FBN3: variants seen among roughly 807,000 people sequenced by gnomAD.
FBN3 encodes the protein fibrillin 3.
Under a neutral mutation model 330.1 loss-of-function variants are expected in FBN3, and 234 were observed. That is an observed-to-expected ratio of 0.71 (90% CI 0.64 to 0.79). FBN3 has a LOEUF of 0.79. Among genes scored for constraint, FBN3 ranks in the 30% least tolerant of loss-of-function variants. The pLI is 0.00. For missense variants in FBN3, 3,606 were observed against 3,886.9 expected, an observed-to-expected ratio of 0.93 and a Z score of 1.92; for synonymous variants, 1,458 against 1,517.3, an observed-to-expected ratio of 0.96 and a Z score of 0.91.
At chr19:8,097,063 C>G in intron 42 of FBN3, 57 bp from the exon 43 acceptor site, 1 of 1,588,210 alleles carries the variant, frequency 6.3e-7, no homozygotes, top group South Asian at 1.1e-5. Context: ...CTGACAGAAT[C>G]AAACGTGAAA....
At chr19:8,144,763 G>T in intron 6 of FBN3, 114 bp downstream of exon 6, 1 of 755,420 alleles carries the variant, frequency 1.3e-6, no homozygotes, top group Non-Finnish European at 2.2e-6. Flanking sequence ...CCCAAATGCG[G>T]GAAGGAGGCC....
At chr19:8,092,816 C>A (rs1159921932) in intron 47 of FBN3, among the ~76,000 whole-genome samples, 1 of 150,684 alleles carries the variant, frequency 6.6e-6, no homozygotes, top group Non-Finnish European at 1.5e-5. Context: ...AATGGAAAAC[C>A]AAATATCGTA....
intron 13 of FBN3, among the ~76,000 whole-genome samples, chr19:8,134,263 T>TAAAATA (rs1234573875): frequency 7.0e-6 from 1 of 143,810 alleles, no homozygotes; most frequent in Non-Finnish European, 1.5e-5. Context: ...ATAAATAAAA[T>TAAAATA]AAATAAATGC....
At position 8,086,462 on chromosome 19, in the gene FBN3, A is replaced by ATTTTTT. The variant is rs755200327; in HGVS notation, c.6755-138_6755-137insAAAAAA. Reference sequence around the variant, plus strand: ...TTTATTTATTTTTATTATTATTATTATTATTATTTTTTGAGACAGAGTCTC... The same window carrying ATTTTTT: ...TTTATTTATTTTTATTATTATTATTATTTTTTTTATTATTTTTTGAGACAGAGTCTC... On this transcript the variant is annotated intron_variant, in intron 54 of 63. Coordinates refer to ENST00000600128, the MANE Select transcript of FBN3 (RefSeq NM_032447.5). 3.3e-4 allele frequency: 91 copies of ATTTTTT among 279,488 alleles called. 1 individual carries two copies. The highest frequency in any genetic ancestry group is 1.4e-3 in the Middle Eastern group (1 of 736). 17.3% of individuals were successfully genotyped at this position (279,488 alleles called of 1,614,324 possible). A position where few individuals can be genotyped will look rare whatever the true frequency, so the allele number is the denominator to read the frequency against.
In FBN3 at chr19:8,129,967, G is replaced by A. The variant is rs1023130821; in HGVS notation, c.2045-602C>T. Among the ~76,000 whole-genome samples, 2 of 151,550 alleles carry A rather than the reference G, an allele frequency of 1.3e-5. No homozygotes were observed. The highest frequency in any genetic ancestry group is 4.8e-5 in the African/African-American group (2 of 41,260). ...GGCTGGAGTGCAGTGGTGCGATCTC[G>A]GCTCACTGCAACCTCCACCTCCCTC... is the stretch of plus-strand genomic sequence containing the variant. On this transcript the variant is annotated intron_variant, in intron 16 of 63. Transcript: ENST00000600128. The surrounding 1 kb of genome is among the most constrained non-coding windows in gnomAD (Gnocchi z 4.5).
rs112168153 is a variant in FBN3 at position 8,070,148 on chromosome 19, A to G, written c.8088+1900T>C. Among the ~76,000 whole-genome samples the G allele has an allele frequency of 2.4e-3, 367 of 152,282 alleles. 1 individual carries two copies. The highest frequency in any genetic ancestry group is 8.3e-3 in the African/African-American group (343 of 41,560). On this transcript the variant is annotated intron_variant, in intron 63 of 63. Coordinates refer to ENST00000600128, the MANE Select transcript of FBN3 (RefSeq NM_032447.5). Reference sequence around the variant, plus strand: ...CACAGTTTTTCCTAGCAAGGGGGAAAAAATAACTAGAGGGGAAAAAGGGCC... The same window carrying G: ...CACAGTTTTTCCTAGCAAGGGGGAAGAAATAACTAGAGGGGAAAAAGGGCC...
chr19:8,111,779 G>T lies in FBN3; in HGVS notation c.3962-9C>A. 5.0e-6 allele frequency: 8 copies of T among 1,611,650 alleles called. No individual in the cohort carries two copies. The highest frequency in any genetic ancestry group is 1.7e-4 in the Middle Eastern group (1 of 5,952). ...GACGCATTCATCCAGGTCTGCAGGAGATGGAGCCCAGACCCCCCACCCCAT... is the reference window on the plus strand; with the variant it reads ...GACGCATTCATCCAGGTCTGCAGGATATGGAGCCCAGACCCCCCACCCCAT... On this transcript the variant is annotated splice_polypyrimidine_tract_variant and intron_variant, in intron 31 of 63. Coordinates refer to ENST00000600128, the MANE Select transcript of FBN3 (RefSeq NM_032447.5).
chr19:8,111,495 CG>C (rs1316997148), intron 32 of FBN3, among the ~76,000 whole-genome samples, 152 bp downstream of exon 32: 1 of 152,134 alleles, frequency 6.6e-6, no homozygotes, highest in Non-Finnish European at 1.5e-5. Flanking sequence ...GCCGCAGCAC[CG>C]CCTGGGCCGA....
intron 47 of FBN3, among the ~76,000 whole-genome samples, chr19:8,093,580 G>C (rs1177126068): frequency 6.6e-6 from 1 of 152,136 alleles, no homozygotes; most frequent in African/African-American, 2.4e-5. Flanking sequence ...CCGAGATTGT[G>C]CCACTGCACT....
At chr19:8,126,122 G>A (rs554686756) in intron 21 of FBN3, 105 bp from the exon 22 acceptor site, 62 of 1,511,432 alleles carry the variant, frequency 4.1e-5, no homozygotes, top group Middle Eastern at 3.7e-4. Flanking sequence ...GGAAGGGGAC[G>A]GGGACACGGG....
chr19:8,115,280 C>A (rs987809820), intron 30 of FBN3, among the ~76,000 whole-genome samples: 1 of 152,220 alleles, frequency 6.6e-6, no homozygotes, highest in African/African-American at 2.4e-5. Context: ...ATGAGGGATT[C>A]ACGTTTCAGA....
intron 13 of FBN3, 25 bp downstream of exon 13, chr19:8,135,936 G>GGGGGGGGGGGCGCCCCCCCCCCCCCC: frequency 1.5e-6 from 1 of 668,776 alleles, no homozygotes; most frequent in Non-Finnish European, 2.4e-6. Flanking sequence ...GGAAGCCCCT[G>GGGGGGGGGGGCGCCCCCCCCCCCCCC]CCCACCCGCC....
intron 5 of FBN3, among the ~76,000 whole-genome samples, chr19:8,145,522 T>C (rs890812470): frequency 4.7e-5 from 7 of 147,380 alleles, no homozygotes; most frequent in Non-Finnish European, 7.4e-5. Flanking sequence ...CTACTAAAAA[T>C]ACAAAAAAAT....
rs937063709 is a variant in FBN3 at position 8,117,448 on chromosome 19, G to A, written c.3463+16C>T. On this transcript the variant is annotated intron_variant, in intron 27 of 63. Transcript: ENST00000600128. ...GTGGTTGGTGCCCAGGGGCCAGCAGGTGGGCACAGTCTCACCCACGCAGCC... is the reference window on the plus strand; with the variant it reads ...GTGGTTGGTGCCCAGGGGCCAGCAGATGGGCACAGTCTCACCCACGCAGCC... 6.4e-7 allele frequency: 1 copy of A among 1,560,514 alleles called. No individual in the cohort carries two copies. Among genetic ancestry groups the A allele is most frequent in the African/African-American group, 1.4e-5 (1 of 73,636 alleles).
chr19:8,141,290 T>C (rs1290299999), intron 8 of FBN3, among the ~76,000 whole-genome samples: 1 of 139,704 alleles, frequency 7.2e-6, no homozygotes, highest in East Asian at 2.1e-4. Context: ...TCTCTTGAAC[T>C]GGGAGGCAGA....
Position 8,109,202 on chromosome 19 carries a change from G to C in FBN3, c.4618+25C>G. The C allele has an allele frequency of 6.2e-7, 1 of 1,611,054 alleles. No individual in the cohort carries two copies. The highest frequency in any genetic ancestry group is 8.5e-7 in the Non-Finnish European group (1 of 1,177,814). ...GGGCCTCGGTGGCTTAGGTCACGGT[G>C]TTCAACTGCCCCGCAGGGACTCACT... On this transcript the variant is annotated intron_variant, in intron 36 of 63. Transcript: ENST00000600128. The surrounding 1 kb of genome is among the most constrained non-coding windows in gnomAD (Gnocchi z 5.2).
chr19:8,076,079 TC>T (rs1365323760), intron 59 of FBN3, among the ~76,000 whole-genome samples: 1 of 152,172 alleles, frequency 6.6e-6, no homozygotes, highest in Non-Finnish European at 1.5e-5. Flanking sequence ...TTGCTCTGTC[TC>T]TGCCAAGTGA....
chr19:8,118,784 G>T (rs746548064), intron 26 of FBN3, 113 bp downstream of exon 26: 71 of 1,348,964 alleles, frequency 5.3e-5, no homozygotes, highest in African/African-American at 7.1e-5. Flanking sequence ...GCCTCAGAAA[G>T]ACAGATACAC....
chr19:8,112,774 A>T (rs1466831317), intron 30 of FBN3, among the ~76,000 whole-genome samples: 2 of 152,190 alleles, frequency 1.3e-5, no homozygotes, highest in African/African-American at 4.8e-5. Context: ...CACCCTTATG[A>T]TCTCTGCCAT....
Sources: allele counts gnomAD v4.1 joint callset (sites outside exome capture counted in the v4.1 genomes callset), GRCh38; gene constraint gnomAD v4.1.1; non-coding constraint Gnocchi (gnomAD v3.1); transcripts MANE v1.5; gene names NCBI Gene and HGNC (gene_info 2026-07-23, HGNC 2026-07-21).